Variants in ZNF12 observed in about 807,000 individuals in gnomAD.
The protein encoded by ZNF12 is zinc finger protein 12.
Under a neutral mutation model 66.6 loss-of-function variants are expected in ZNF12, and 34 were observed. That is an observed-to-expected ratio of 0.51 (90% CI 0.39 to 0.68). The LOEUF (loss-of-function observed/expected upper bound fraction) is 0.68, where lower values mean the gene tolerates loss of function less well. ZNF12 is among the 30% of genes least tolerant of loss of function. The pLI is 0.00. For missense variants in ZNF12, 697 were observed against 826.9 expected (o/e 0.84, Z 1.93); for synonymous variants, 320 against 278.9 (o/e 1.15, Z -1.47).
chr7:6,693,065 G>A, intron 4 of ZNF12, among the ~76,000 whole-genome samples: 1 of 152,176 alleles, frequency 6.6e-6, no homozygotes. Flanking sequence ...TGACAGGGTA[G>A]AGCGATAAGG....
At position 6,695,259 on chromosome 7, in the gene ZNF12, GTCCTATT is replaced by G. The variant is rs1381753384; in HGVS notation, c.238+2073_238+2079del. 1.1e-4 allele frequency among the ~76,000 whole-genome samples: 16 copies of G among 152,318 alleles called. No individual in the cohort carries two copies. In the South Asian group the frequency reaches 1.4e-3, roughly 14 times the overall value. On this transcript the variant is annotated intron_variant, in intron 4 of 4. Transcript: ENST00000405858. ...CACAACCTTTCTCCTAGGAAGGATG[GTCCTATT>G]TCCTATTTCCTTTGAACCTCTGAAT...
rs1315152449 is a variant in ZNF12, at chr7:6,691,726, C to T, written c.1216G>A (p.Val406Met). ...CATTCACTACACTTGTAGAGTTTCA[C>T]ACCTGTGTGAATTTTCTGATGGTCA... is the stretch of plus-strand genomic sequence containing the variant. ...LNDHQKIHTG[V>M]KLYKCSECGK... Residue 406 changes from valine to methionine, a missense_variant, in exon 5 of 5, where the codon GTG becomes ATG. Transcript: ENST00000405858. 1 of 1,613,718 alleles carries T rather than the reference C, an allele frequency of 6.2e-7. No individual in the cohort carries two copies.
chr7:6,705,277 C>A lies in ZNF12; in HGVS notation c.-50-54G>T. On this transcript the variant is annotated intron_variant, in intron 1 of 4. Transcript: ENST00000405858. This position sits in a 1 kb window ranked among gnomAD's most constrained non-coding sequence, Gnocchi z 4.0. ...TTATGAGCGGTCTGGCCTGCCAAGG[C>A]GGTCATCTCCCGCCCAAAACCTACA... 7.2e-7 allele frequency: 1 copy of A among 1,396,248 alleles called. No individual in the cohort carries two copies. The highest frequency in any genetic ancestry group is 1.4e-5 in the African/African-American group (1 of 70,478). 86.5% of individuals were successfully genotyped at this position (1,396,248 alleles called of 1,614,324 possible).
rs1392360515 is a variant in ZNF12, at chr7:6,698,296, T to C, written c.16-485A>G. On this transcript the variant is annotated intron_variant, in intron 2 of 4. Transcript: ENST00000405858. This position sits in a 1 kb window ranked among gnomAD's most constrained non-coding sequence, Gnocchi z 4.4. ...GTTGTGGGCCTACGGCTGTCTTGAG[T>C]CTTTTTCTCTTTGCTGTCTGTACTT... Among the ~76,000 whole-genome samples the C allele has an allele frequency of 1.3e-5, 2 of 152,128 alleles. No individual in the cohort carries two copies. Among genetic ancestry groups the C allele is most frequent in the Admixed American group, 6.5e-5 (1 of 15,268 alleles).
chr7:6,700,241 A>C (rs899868921), intron 2 of ZNF12, among the ~76,000 whole-genome samples: 5 of 150,744 alleles, frequency 3.3e-5, no homozygotes, highest in African/African-American at 1.2e-4. Context: ...GCCGAGATCG[A>C]GCCACTGTAC....
chr7:6,704,596 C>T (rs910599656), intron 2 of ZNF12, among the ~76,000 whole-genome samples: 16 of 135,928 alleles, frequency 1.2e-4, no homozygotes, highest in Admixed American at 6.7e-4. Context: ...AAAAAAAGGC[C>T]GGGTGTGGTG....
intron 4 of ZNF12, among the ~76,000 whole-genome samples, chr7:6,695,012 C>T (rs1446755048): frequency 6.6e-6 from 1 of 152,184 alleles, no homozygotes; most frequent in Non-Finnish European, 1.5e-5. Flanking sequence ...CAAGCTCTGC[C>T]TCCCAGGTTC....
intron 2 of ZNF12, among the ~76,000 whole-genome samples, chr7:6,700,589 G>C (rs1780224860): frequency 6.6e-6 from 1 of 152,046 alleles, no homozygotes. Flanking sequence ...AACCCCCACT[G>C]CATTTGTTTT....
At chr7:6,702,428 GCA>G (rs1780265283) in intron 2 of ZNF12, among the ~76,000 whole-genome samples, 1 of 2,388 alleles carries the variant, frequency 4.2e-4, no homozygotes, top group Non-Finnish European at 7.4e-4. Context: ...CTACACGCAC[GCA>G]CACACACCAG....
chr7:6,706,797 G>A lies in ZNF12; in HGVS notation c.-416C>T. 1 of 274,858 alleles carries A rather than the reference G, an allele frequency of 3.6e-6. No individual in the cohort carries two copies. Among genetic ancestry groups the A allele is most frequent in the Non-Finnish European group, 7.1e-6 (1 of 141,504 alleles). 17.0% of individuals were successfully genotyped at this position (274,858 alleles called of 1,614,324 possible). Reference sequence around the variant, plus strand: ...CTCGGGGATCCCCGCTTGAGCCTCCGCCTGGCCCGCACAGCCCCGCGCCCG... The same window carrying A: ...CTCGGGGATCCCCGCTTGAGCCTCCACCTGGCCCGCACAGCCCCGCGCCCG... On this transcript the variant is annotated 5_prime_UTR_variant, in exon 1 of 5. Coordinates refer to ENST00000405858, the MANE Select transcript of ZNF12 (RefSeq NM_016265.4).
Position 6,699,883 on chromosome 7 carries a change from A to C in ZNF12, c.16-2072T>G, listed in dbSNP as rs955685537. On this transcript the variant is annotated intron_variant, in intron 2 of 4. Transcript: ENST00000405858. The stretch of plus-strand genomic sequence containing the variant: ...CAAATGAAAGTAGATGAGTAAAGAG[A>C]CCACATATATCTATGACTACAATAA... Among the ~76,000 whole-genome samples the C allele has an allele frequency of 5.9e-5, 9 of 152,188 alleles. 1 individual carries two copies. Among genetic ancestry groups the C allele is most frequent in the Non-Finnish European group, 2.9e-5 (2 of 68,038 alleles).
chr7:6,703,061 CACACCCCT>C (rs1780282889), intron 2 of ZNF12, among the ~76,000 whole-genome samples: 1 of 152,076 alleles, frequency 6.6e-6, no homozygotes, highest in Admixed American at 6.6e-5. Context: ...CACACACACA[CACACCCCT>C]ACCTGCCTTC....
At chr7:6,704,018 TAAAC>T (rs1449330695) in intron 2 of ZNF12, 1 of 152,216 alleles carries the variant, frequency 6.6e-6, no homozygotes, top group Non-Finnish European at 1.5e-5. Context: ...GCAACCCAGA[TAAAC>T]TAAGAGAAAT....
rs548656622 is a variant in ZNF12 at position 6,688,466 on chromosome 7, T to C, written c.*2382A>G. On this transcript the variant is annotated 3_prime_UTR_variant, in exon 5 of 5. Transcript: ENST00000405858. The surrounding 1 kb of genome is among the most constrained non-coding windows in gnomAD (Gnocchi z 4.3). ...TTTCAAATATTTTACTGAAAATGCA[T>C]ATTGTACAATTAATGTATAATGACA... 2.6e-5 allele frequency: 4 copies of C among 152,354 alleles called. No homozygotes were observed. In the South Asian group the frequency reaches 8.3e-4, roughly 32 times the overall value. The allele number at this position is 152,354 out of a possible 1,614,324, so 9.4% of individuals were successfully genotyped here.
chr7:6,706,161 G>T (rs1448591098), intron 1 of ZNF12, among the ~76,000 whole-genome samples: 1 of 152,198 alleles, frequency 6.6e-6, no homozygotes, highest in South Asian at 2.1e-4. Context: ...AGGTGCTGAC[G>T]GACGTTTAGA....
Position 6,705,272 on chromosome 7 carries a change from C to T in ZNF12, c.-50-49G>A. The T allele has an allele frequency of 2.7e-6, 4 of 1,465,570 alleles. No homozygotes were observed. In the African/African-American group the frequency reaches 5.6e-5, roughly 20 times the overall value. The allele number at this position is 1,465,570 out of a possible 1,614,324, so 90.8% of individuals were successfully genotyped here. A position where few individuals can be genotyped will look rare whatever the true frequency, so the allele number is the denominator to read the frequency against. The stretch of plus-strand genomic sequence containing the variant: ...TGGCGTTATGAGCGGTCTGGCCTGC[C>T]AAGGCGGTCATCTCCCGCCCAAAAC... On this transcript the variant is annotated intron_variant, in intron 1 of 4. Coordinates refer to ENST00000405858, the MANE Select transcript of ZNF12 (RefSeq NM_016265.4). The surrounding 1 kb of genome is among the most constrained non-coding windows in gnomAD (Gnocchi z 4.0).
intron 2 of ZNF12, among the ~76,000 whole-genome samples, chr7:6,704,568 TAAAAAA>T (rs752684046): frequency 2.4e-5 from 2 of 84,836 alleles, no homozygotes; most frequent in Non-Finnish European, 4.5e-5. Context: ...GTCTCTACTT[TAAAAAA>T]AAAAAAAAAA....
At chr7:6,704,567 T>A (rs1395985076) in intron 2 of ZNF12, among the ~76,000 whole-genome samples, 11 of 105,346 alleles carry the variant, frequency 1.0e-4, no homozygotes, top group African/African-American at 4.0e-4. Flanking sequence ...TGTCTCTACT[T>A]TAAAAAAAAA....
In ZNF12 at chr7:6,697,930, G is replaced by T; in HGVS notation, c.16-119C>A. The T allele has an allele frequency of 1.7e-6, 2 of 1,147,120 alleles. No individual in the cohort carries two copies. The highest frequency in any genetic ancestry group is 2.6e-6 in the Non-Finnish European group (2 of 762,864). 71.1% of individuals were successfully genotyped at this position (1,147,120 alleles called of 1,614,324 possible). A position where few individuals can be genotyped will look rare whatever the true frequency, so the allele number is the denominator to read the frequency against. ...CTGTATACCTTTATTTTATGTTACA[G>T]ACTGTCAAAGGGAAACAAACATATC... On this transcript the variant is annotated intron_variant, in intron 2 of 4. Coordinates refer to ENST00000405858, the MANE Select transcript of ZNF12 (RefSeq NM_016265.4). The surrounding 1 kb of genome is among the most constrained non-coding windows in gnomAD (Gnocchi z 6.1).
Sources: gnomAD v4.1 joint callset for allele counts (sites outside exome capture counted in the v4.1 genomes callset) on GRCh38, gnomAD v4.1.1 for gene constraint, Gnocchi (gnomAD v3.1) non-coding constraint, MANE v1.5 for transcripts, NCBI Gene and HGNC (gene_info 2026-07-23, HGNC 2026-07-21) for gene names.